Variants in INCENP observed in about 807,000 individuals in gnomAD.
INCENP encodes the protein inner centromere protein, also known as binds and activates aurora-B and -C in vivo and in vitro.
In INCENP, 43 loss-of-function variants were observed where a neutral mutation model predicts 107.3. That is an observed-to-expected ratio of 0.40 (90% CI 0.31 to 0.52). INCENP has a LOEUF of 0.52. Ranked by LOEUF, INCENP falls within the 20% of genes least tolerant of loss-of-function variation. The pLI, the probability that INCENP is intolerant of heterozygous loss-of-function variation, is 0.53. For missense variants in INCENP, 1,089 were observed against 1,250.9 expected, an observed-to-expected ratio of 0.87 and a Z score of 1.95; for synonymous variants, 488 against 494.4, an observed-to-expected ratio of 0.99 and a Z score of 0.17.
intron 11 of INCENP, chr11:62,144,644 T>G: frequency 1.8e-6 from 1 of 564,636 alleles, no homozygotes; most frequent in Non-Finnish European, 3.5e-6. Flanking sequence ...TCATCCTTCA[T>G]TTTCTTTTTC....
Position 62,145,104 on chromosome 11 carries a change from G to C in INCENP, c.1715+13G>C. 1 of 1,613,920 alleles carries C rather than the reference G, an allele frequency of 6.2e-7. No homozygotes were observed. The highest frequency in any genetic ancestry group is 8.5e-7 in the Non-Finnish European group (1 of 1,179,914). ...AGGAGGTGAAGCTGTAAGTGGCCTG[G>C]CTTCCTGGACTGTGGCCCATCCCAG... On this transcript the variant is annotated intron_variant, in intron 12 of 18. Transcript: ENST00000394818.
At chr11:62,151,161 G>A (rs1675108) in intron 18 of INCENP, among the ~76,000 whole-genome samples, 74,071 of 152,076 alleles carry the variant, frequency 0.49, 20,138 homozygotes, top group Middle Eastern at 0.68. Flanking sequence ...GAGGAGTTCT[G>A]TTGAGAGTGA....
Position 62,130,280 on chromosome 11 carries a change from G to T in INCENP, c.753G>T (p.Gly251=), listed in dbSNP as rs1943859204. 2.5e-6 allele frequency: 4 copies of T among 1,612,434 alleles called. No homozygotes were observed. Among genetic ancestry groups the T allele is most frequent in the Non-Finnish European group, 1.7e-6 (2 of 1,180,028 alleles). The change falls in exon 4 of 19, where the codon GGG becomes GGT. Residue 251 remains glycine (G), a synonymous_variant. Coordinates refer to ENST00000394818, the MANE Select transcript of INCENP (RefSeq NM_001040694.2). The part of the protein sequence containing the change: ...QDPKGQGVGT[G]RSASKLRIAQ... Reference sequence around the variant, plus strand: ...CCAAGGGTCAAGGGGTCGGGACGGGGCGGTCTGCGTCTAAGCTCAGGATTG... The same window carrying T: ...CCAAGGGTCAAGGGGTCGGGACGGGTCGGTCTGCGTCTAAGCTCAGGATTG...
At chr11:62,148,887 G>C in intron 17 of INCENP, 41 bp downstream of exon 17, 1 of 1,340,900 alleles carries the variant, frequency 7.5e-7, no homozygotes, top group Non-Finnish European at 1.0e-6. Context: ...CAGGTGGAGG[G>C]GCCCACTCTA....
chr11:62,142,823 T>G (rs1023124851), intron 11 of INCENP, among the ~76,000 whole-genome samples: 2 of 152,184 alleles, frequency 1.3e-5, no homozygotes, highest in Non-Finnish European at 2.9e-5. Context: ...GTTCTCAGCC[T>G]TCGGTGTGGT....
intron 11 of INCENP, chr11:62,141,813 T>G: frequency 1.9e-6 from 1 of 520,390 alleles, no homozygotes. Flanking sequence ...CCCTCCCTCC[T>G]CCCCTGCACC....
At chr11:62,131,057 G>A (rs576124358) in intron 4 of INCENP, among the ~76,000 whole-genome samples, 12 of 152,280 alleles carry the variant, frequency 7.9e-5, no homozygotes, top group African/African-American at 2.2e-4. Context: ...CCGGGTTTGC[G>A]CGCCGCCTAT....
intron 17 of INCENP, among the ~76,000 whole-genome samples, chr11:62,149,620 CTT>C (rs965680239): frequency 4.0e-5 from 6 of 151,894 alleles, no homozygotes; most frequent in African/African-American, 1.2e-4. Flanking sequence ...TGTTCTGTGA[CTT>C]TTTAAAATTA....
At chr11:62,148,682 G>A (rs1372699064) in intron 16 of INCENP, 57 bp from the exon 17 acceptor site, 2 of 1,444,222 alleles carry the variant, frequency 1.4e-6, no homozygotes, top group East Asian at 2.3e-5. Flanking sequence ...GGGAAGGGGA[G>A]GGGAGGGAAG....
At chr11:62,128,424 C>G (rs1461279657) in intron 2 of INCENP, 123 bp downstream of exon 2, 2 of 1,008,558 alleles carry the variant, frequency 2.0e-6, no homozygotes, top group South Asian at 1.5e-5. Flanking sequence ...TCAGGGCTCC[C>G]TGCTGTATAC....
chr11:62,128,631 G>T, intron 2 of INCENP, 139 bp from the exon 3 acceptor site: 1 of 683,914 alleles, frequency 1.5e-6, no homozygotes. Context: ...CTTGCACATG[G>T]CCTTGGAGAG....
At position 62,147,296 on chromosome 11, in the gene INCENP, C is replaced by A. The variant is rs1944272106; in HGVS notation, c.2204+394C>A. Among the ~76,000 whole-genome samples the A allele has an allele frequency of 2.0e-5, 3 of 152,256 alleles. No homozygotes were observed. The South Asian group carries it at 6.2e-4, about 32-fold the overall frequency. On this transcript the variant is annotated intron_variant, in intron 15 of 18. Coordinates refer to ENST00000394818, the MANE Select transcript of INCENP (RefSeq NM_001040694.2). The stretch of plus-strand genomic sequence containing the variant: ...CCCCTGTCCCCACTAAATGCATCTC[C>A]CCTGGTGAGGACGATAACTCAGATT...
chr11:62,138,472 T>A (rs889185571), intron 5 of INCENP, among the ~76,000 whole-genome samples: 4 of 152,178 alleles, frequency 2.6e-5, no homozygotes, highest in African/African-American at 9.7e-5. Flanking sequence ...GAGACAGCTC[T>A]GTGGTGGGGT....
At chr11:62,148,408 A>C in intron 15 of INCENP, 68 bp from the exon 16 acceptor site, 1 of 1,439,878 alleles carries the variant, frequency 6.9e-7, no homozygotes, top group East Asian at 2.4e-5. Context: ...TTTCCCCAGC[A>C]GGGATGGGAA....
At chr11:62,145,883 AG>A in intron 14 of INCENP, 132 bp downstream of exon 14, 1 of 1,205,758 alleles carries the variant, frequency 8.3e-7, no homozygotes, top group Non-Finnish European at 1.1e-6. Context: ...GCTAAGAAGG[AG>A]GTTTCCCAGA....
chr11:62,135,419 G>A (rs781554798), intron 4 of INCENP, among the ~76,000 whole-genome samples: 7 of 151,556 alleles, frequency 4.6e-5, no homozygotes, highest in East Asian at 2.0e-4. Context: ...GGTGCCCACC[G>A]ACGCCCGGAT....
At chr11:62,137,905 C>T (rs755551690) in intron 5 of INCENP, 22 bp downstream of exon 5, 55 of 1,609,506 alleles carry the variant, frequency 3.4e-5, no homozygotes, top group Middle Eastern at 3.3e-4. Flanking sequence ...TCCAGGGCTT[C>T]GGAGGTAGGC....
chr11:62,124,731 G>A lies in INCENP; in HGVS notation c.-12+568G>A, dbSNP rs139669493. Among the ~76,000 whole-genome samples the A allele has an allele frequency of 1.1e-3, 161 of 152,334 alleles. 3 individuals are homozygous for A. In the Middle Eastern group the frequency reaches 0.017, roughly 16 times the overall value. ...AAGTTGATATCTAGAAGGCGGTATA[G>A]CCAGTGGTTAAGGGCACGGTTTAAA... On this transcript the variant is annotated intron_variant, in intron 1 of 18. Transcript: ENST00000394818.
rs550573247 is a variant in INCENP at position 62,129,767 on chromosome 11, T to G, written c.255-15T>G. 4 of 1,594,432 alleles carry G rather than the reference T, an allele frequency of 2.5e-6. No individual in the cohort carries two copies. In the African/African-American group the frequency reaches 5.3e-5, roughly 21 times the overall value. On this transcript the variant is annotated splice_polypyrimidine_tract_variant and intron_variant, in intron 3 of 18. Coordinates refer to ENST00000394818, the MANE Select transcript of INCENP (RefSeq NM_001040694.2). ...CTGCTGCCCGTCTCAGCCTCTGCCC[T>G]GCTGCCCCTGCCAGGTTATCCCGCA...
Sources: allele counts gnomAD v4.1 joint callset (sites outside exome capture counted in the v4.1 genomes callset), GRCh38; gene constraint gnomAD v4.1.1; transcripts MANE v1.5; gene names NCBI Gene and HGNC (gene_info 2026-07-23, HGNC 2026-07-21).